HTT: variants seen among roughly 807,000 people sequenced by gnomAD.
HTT encodes huntington disease protein.
HTT carries 104 observed loss-of-function variants against 362.3 expected under a neutral mutation model. The ratio of observed to expected loss-of-function variants is 0.29; its 90% confidence interval spans 0.24 to 0.34. HTT has a LOEUF of 0.34. Ranked by LOEUF, HTT falls within the 10% of genes least tolerant of loss-of-function variation. The pLI is 1.00. For missense variants in HTT, 3,301 were observed against 3,928.6 expected (o/e 0.84, Z 4.27); for synonymous variants, 1,577 against 1,548.7 (o/e 1.02, Z -0.43).
Position 3,083,530 on chromosome 4 carries a change from T to TATATATAC in HTT, c.264-3408_264-3407insTATATACA, listed in dbSNP as rs1165543364. Reference sequence around the variant, plus strand: ...GAGAGTGAGACCCTGTCTCTAAATATACACACACACACACACACACACACA... The same window carrying TATATATAC: ...GAGAGTGAGACCCTGTCTCTAAATATATATATACACACACACACACACACACACACACA... On this transcript the variant is annotated intron_variant, in intron 1 of 66. Coordinates refer to ENST00000355072, the MANE Select transcript of HTT (RefSeq NM_001388492.1). 2.9e-3 allele frequency among the ~76,000 whole-genome samples: 357 copies of TATATATAC among 125,204 alleles called. 3 individuals carry two copies. Among genetic ancestry groups the TATATATAC allele is most frequent in the East Asian group, 7.3e-3 (28 of 3,814 alleles). 82.1% of individuals were successfully genotyped at this position (125,204 alleles called of 152,430 possible).
chr4:3,131,421 C>T (rs1335423190), intron 15 of HTT, 24 bp downstream of exon 15: 1 of 1,568,128 alleles, frequency 6.4e-7, no homozygotes. Flanking sequence ...GGGATGTGCA[C>T]AGTTGAAGGA....
rs545932090 is a variant in HTT at position 3,117,657 on chromosome 4, C to T, written c.1068+1394C>T. ...TTTGAGACCAGCCCGGGAAACATGG[C>T]GAAACCCCATGTCTTAAAGAAAAAA... On this transcript the variant is annotated intron_variant, in intron 8 of 66. Transcript: ENST00000355072. 3.3e-5 allele frequency among the ~76,000 whole-genome samples: 5 copies of T among 152,050 alleles called. No individual in the cohort carries two copies. In the East Asian group the frequency reaches 5.8e-4, roughly 18 times the overall value.
At chr4:3,201,912 G>C (rs1465441656) in intron 41 of HTT, among the ~76,000 whole-genome samples, 5 of 152,136 alleles carry the variant, frequency 3.3e-5, no homozygotes, top group Non-Finnish European at 7.3e-5. Flanking sequence ...GCTGTATCCA[G>C]TTGCAGAAAT....
chr4:3,219,859 C>T (rs1371657754), intron 52 of HTT, among the ~76,000 whole-genome samples: 1 of 152,240 alleles, frequency 6.6e-6, no homozygotes, highest in Non-Finnish European at 1.5e-5. Flanking sequence ...TATTCTAGCA[C>T]AGCACCTGCT....
At chr4:3,092,254 C>T (rs1177690508) in intron 2 of HTT, among the ~76,000 whole-genome samples, 1 of 152,170 alleles carries the variant, frequency 6.6e-6, no homozygotes, top group Non-Finnish European at 1.5e-5. Flanking sequence ...GAACTCCTGA[C>T]CTCATGATCC....
At chr4:3,125,844 A>G (rs897731492) in intron 11 of HTT, among the ~76,000 whole-genome samples, 4 of 152,156 alleles carry the variant, frequency 2.6e-5, no homozygotes, top group East Asian at 1.9e-4. Context: ...GTTGTTTTCC[A>G]TGGTTTAGGC....
At chr4:3,202,365 A>C (rs1348711563) in intron 41 of HTT, among the ~76,000 whole-genome samples, 1 of 152,186 alleles carries the variant, frequency 6.6e-6, no homozygotes, top group Non-Finnish European at 1.5e-5. Context: ...TTGAATTGCA[A>C]ATACTGCCTC....
At chr4:3,230,499 G>A (rs560938565) in intron 60 of HTT, among the ~76,000 whole-genome samples, 15 of 152,304 alleles carry the variant, frequency 9.8e-5, no homozygotes, top group African/African-American at 3.6e-4. Context: ...TTGTCACAGT[G>A]ACCCTGTGTT....
chr4:3,082,640 A>C (rs1425560873), intron 1 of HTT, among the ~76,000 whole-genome samples: 1 of 152,178 alleles, frequency 6.6e-6, no homozygotes, highest in Non-Finnish European at 1.5e-5. Context: ...ACTTACATGC[A>C]CATTGGAGTT....
chr4:3,112,847 C>G (rs1014081720), intron 6 of HTT, among the ~76,000 whole-genome samples: 1 of 152,148 alleles, frequency 6.6e-6, no homozygotes, highest in Non-Finnish European at 1.5e-5. Context: ...GTGCTTGTAC[C>G]AGCTCACCCT....
Position 3,177,786 on chromosome 4 carries a change from T to G in HTT, c.4463+399T>G, listed in dbSNP as rs1050541118. ...GCTTTTTCTTGCTAGATGTTGAGGT[T>G]TTAATACTTCTTGCTAGTCCATTAC... On this transcript the variant is annotated intron_variant, in intron 34 of 66. Coordinates refer to ENST00000355072, the MANE Select transcript of HTT (RefSeq NM_001388492.1). 1.2e-4 allele frequency among the ~76,000 whole-genome samples: 19 copies of G among 152,350 alleles called. No homozygotes were observed. The South Asian group carries it at 2.1e-3, about 17-fold the overall frequency.
chr4:3,186,462 T>G, intron 37 of HTT, 135 bp from the exon 38 acceptor site: 1 of 960,492 alleles, frequency 1.0e-6, no homozygotes, highest in South Asian at 1.6e-5. Flanking sequence ...CCACTGAACT[T>G]AAAATGCTTT....
In HTT at chr4:3,240,029, A is replaced by T. The variant is rs1385224216; in HGVS notation, c.9399A>T (p.Leu3133Phe). 2 of 1,597,878 alleles carry T rather than the reference A, an allele frequency of 1.3e-6. No homozygotes were observed. Among genetic ancestry groups the T allele is most frequent in the Non-Finnish European group, 1.7e-6 (2 of 1,171,706 alleles). The change falls in exon 67 of 67, where the codon TTA becomes TTT. Residue 3133 changes from leucine (L) to phenylalanine (F), a missense_variant. Coordinates refer to ENST00000355072, the MANE Select transcript of HTT (RefSeq NM_001388492.1). ...GSPYHRLLTC[L>F]RNVHKVTTC is the part of the protein sequence containing the mutation. ...CATATCACCGGCTGCTGACTTGTTT[A>T]CGAAATGTCCACAAGGTCACCACCT... is the stretch of plus-strand genomic sequence containing the variant.
At chr4:3,111,719 A>G (rs1714762013) in intron 6 of HTT, among the ~76,000 whole-genome samples, 1 of 151,896 alleles carries the variant, frequency 6.6e-6, no homozygotes, top group African/African-American at 2.4e-5. Context: ...ACCTCTTGAG[A>G]TTATCCCTCT....
rs961888654 is a variant in HTT, at chr4:3,201,550, A to T, written c.5576+1611A>T. ...ATCTCAAAAAAAAAAAAAAAAAAAA[A>T]AAATTAATGGATCAATGGATTTTTA... On this transcript the variant is annotated intron_variant, in intron 41 of 66. Coordinates refer to ENST00000355072, the MANE Select transcript of HTT (RefSeq NM_001388492.1). Among the ~76,000 whole-genome samples, 5 of 151,924 alleles carry T rather than the reference A, an allele frequency of 3.3e-5. No homozygotes were observed. In the South Asian group the frequency reaches 1.0e-3, roughly 31 times the overall value.
Position 3,158,602 on chromosome 4 carries a change from A to G in HTT, c.3753+1403A>G, listed in dbSNP as rs368803597. Among the ~76,000 whole-genome samples, 3 of 152,260 alleles carry G rather than the reference A, an allele frequency of 2.0e-5. No homozygotes were observed. The East Asian group carries it at 5.8e-4, about 29-fold the overall frequency. On this transcript the variant is annotated intron_variant, in intron 28 of 66. Coordinates refer to ENST00000355072, the MANE Select transcript of HTT (RefSeq NM_001388492.1). ...CACATTTCTTGATAAATGAATCCTCAGGTATTCCTCTGTTTTTGTTACTAA... is the reference window on the plus strand; with the variant it reads ...CACATTTCTTGATAAATGAATCCTCGGGTATTCCTCTGTTTTTGTTACTAA...
intron 34 of HTT, among the ~76,000 whole-genome samples, 168 bp downstream of exon 34, chr4:3,177,555 A>G (rs539632851): frequency 6.6e-6 from 1 of 152,368 alleles, no homozygotes; most frequent in African/African-American, 2.4e-5. Flanking sequence ...AAATTAATGT[A>G]TATCTCAAGA....
At chr4:3,075,531 G>A (rs1443188331) in intron 1 of HTT, among the ~76,000 whole-genome samples, 2 of 152,094 alleles carry the variant, frequency 1.3e-5, no homozygotes, top group Non-Finnish European at 2.9e-5. Flanking sequence ...TAGTCTGAGA[G>A]GGAAGAGGGC....
chr4:3,115,839 G>A (rs931752650), intron 7 of HTT, among the ~76,000 whole-genome samples: 5 of 152,224 alleles, frequency 3.3e-5, no homozygotes, highest in African/African-American at 1.2e-4. Context: ...GTGCTGAAGC[G>A]AGCATGTGGA....
Sources: gnomAD v4.1 joint callset for allele counts (sites outside exome capture counted in the v4.1 genomes callset) on GRCh38, gnomAD v4.1.1 for gene constraint, MANE v1.5 for transcripts, NCBI Gene and HGNC (gene_info 2026-07-23, HGNC 2026-07-21) for gene names.